Variants in MEGF11 observed in about 807,000 individuals in gnomAD.
The protein encoded by MEGF11 is multiple EGF like domains 11.
MEGF11 carries 126 observed loss-of-function variants against 146.6 expected under a neutral mutation model. That is an observed-to-expected ratio of 0.86 (90% CI 0.74 to 1.00). MEGF11 has a LOEUF of 1.00. MEGF11 is among the 50% of genes least tolerant of loss of function. The pLI, the probability that MEGF11 is intolerant of heterozygous loss-of-function variation, is 0.00. For missense variants in MEGF11, 1,509 were observed against 1,521.2 expected (o/e 0.99, Z 0.13); for synonymous variants, 532 against 583.4 (o/e 0.91, Z 1.27).
chr15:66,031,403 T>A lies in MEGF11; in HGVS notation c.395-48915A>T, dbSNP rs182559109. Among the ~76,000 whole-genome samples, 234 of 152,272 alleles carry A rather than the reference T, an allele frequency of 1.5e-3. 3 individuals are homozygous for A. The highest frequency in any genetic ancestry group is 4.6e-4 in the Non-Finnish European group (31 of 68,006). On this transcript the variant is annotated intron_variant, in intron 5 of 25. Transcript: ENST00000395614. ...GGCCTGGGTGAAGGGTTAGCAAAGTTGAGGTCTTCCTGGCAAATGTCACTT... is the reference window on the plus strand; with the variant it reads ...GGCCTGGGTGAAGGGTTAGCAAAGTAGAGGTCTTCCTGGCAAATGTCACTT...
intron 5 of MEGF11, among the ~76,000 whole-genome samples, chr15:66,017,500 T>C (rs2082929569): frequency 6.6e-6 from 1 of 152,200 alleles, no homozygotes; most frequent in East Asian, 1.9e-4. Context: ...CTAGCCACCA[T>C]GTTCCCTCCC....
intron 5 of MEGF11, among the ~76,000 whole-genome samples, chr15:66,058,979 A>T (rs1240267493): frequency 6.6e-6 from 1 of 152,098 alleles, no homozygotes; most frequent in Non-Finnish European, 1.5e-5. Context: ...AGGACTCCCA[A>T]CCACTCGGCA....
chr15:66,061,237 C>T (rs2084894158), intron 5 of MEGF11, among the ~76,000 whole-genome samples: 1 of 152,222 alleles, frequency 6.6e-6, no homozygotes, highest in Non-Finnish European at 1.5e-5. Flanking sequence ...GAGAGTGGAG[C>T]TGCCCCACCC....
intron 9 of MEGF11, among the ~76,000 whole-genome samples, chr15:65,964,300 G>A (rs1157937603): frequency 6.6e-6 from 1 of 152,202 alleles, no homozygotes; most frequent in Non-Finnish European, 1.5e-5. Context: ...GAGTGCTGGG[G>A]GAGGGGCTGG....
At chr15:66,235,634 C>G (rs1483663449) in intron 1 of MEGF11, among the ~76,000 whole-genome samples, 1 of 152,132 alleles carries the variant, frequency 6.6e-6, no homozygotes, top group African/African-American at 2.4e-5. Context: ...TGAGCAACAG[C>G]ACTACACCCC....
intron 1 of MEGF11, among the ~76,000 whole-genome samples, chr15:66,181,298 C>T (rs2090539469): frequency 6.6e-6 from 1 of 152,166 alleles, no homozygotes; most frequent in Admixed American, 6.5e-5. Flanking sequence ...AGTGCAGTGG[C>T]ACAATCACGG....
At chr15:66,028,991 T>C (rs1303307328) in intron 5 of MEGF11, among the ~76,000 whole-genome samples, 2 of 152,180 alleles carry the variant, frequency 1.3e-5, no homozygotes, top group East Asian at 1.9e-4. Context: ...GTTTGTCAAA[T>C]GACTACAAGG....
chr15:66,155,729 C>A (rs2089731636), intron 1 of MEGF11, among the ~76,000 whole-genome samples: 1 of 152,212 alleles, frequency 6.6e-6, no homozygotes, highest in Non-Finnish European at 1.5e-5. Flanking sequence ...TGATTTTTCT[C>A]TTTATCTCAC....
At position 65,982,154 on chromosome 15, in the gene MEGF11, CTCCACCTCCTCTACCCT is replaced by C; in HGVS notation, c.641+71_641+87del. Reference sequence around the variant, plus strand: ...GCCACTCCAGGCCCCGCCCCAGCCCCTCCACCTCCTCTACCCTCCCCACCCAGGCACCCTCCAGGTCC... The same window carrying C: ...GCCACTCCAGGCCCCGCCCCAGCCCCCCCCACCCAGGCACCCTCCAGGTCC... On this transcript the variant is annotated intron_variant, in intron 6 of 25. Transcript: ENST00000395614. The surrounding 1 kb of genome is among the most constrained non-coding windows in gnomAD (Gnocchi z 5.6). The C allele has an allele frequency of 6.8e-6, 9 of 1,330,290 alleles. No individual in the cohort carries two copies. Among genetic ancestry groups the C allele is most frequent in the Admixed American group, 5.1e-5 (2 of 39,330 alleles). 82.4% of individuals were successfully genotyped at this position (1,330,290 alleles called of 1,614,324 possible).
At chr15:65,979,850 G>A (rs2141671796) in intron 7 of MEGF11, among the ~76,000 whole-genome samples, 1 of 152,294 alleles carries the variant, frequency 6.6e-6, no homozygotes, top group African/African-American at 2.4e-5. Context: ...CTTGGGGGAA[G>A]GGGAGTAATT....
Position 65,898,930 on chromosome 15 carries a change from G to T in MEGF11, c.3060C>A (p.Tyr1020Ter). The T allele has an allele frequency of 6.2e-7, 1 of 1,613,836 alleles. No individual in the cohort carries two copies. Residue 1020 changes from tyrosine (Y) to a stop codon, truncating the protein, a stop_gained, in exon 25 of 26, where the codon TAC (tyrosine) becomes TAA (stop). Coordinates refer to ENST00000395614, the MANE Select transcript of MEGF11 (RefSeq NM_001385028.1). LOFTEE classifies it high-confidence loss of function. ...TYIMDKGFKD[Y>*]MKESVCSSST... ...TAGAACTGCACACGGATTCTTTCAT[G>T]TAATCTGCAAGGCAAGAGACATTTC...
chr15:65,912,284 G>A, intron 20 of MEGF11, 84 bp from the exon 21 acceptor site: 4 of 836,650 alleles, frequency 4.8e-6, no homozygotes, highest in Non-Finnish European at 6.4e-6. Context: ...TGCGCTGGGA[G>A]CCTTGAGAGA....
At chr15:66,036,445 G>A (rs1483952574) in intron 5 of MEGF11, among the ~76,000 whole-genome samples, 2 of 152,172 alleles carry the variant, frequency 1.3e-5, no homozygotes, top group East Asian at 3.8e-4. Context: ...CATTTTCACG[G>A]CCACACAGCA....
At chr15:66,094,374 C>G in intron 5 of MEGF11, 28 bp downstream of exon 5, 1 of 1,535,088 alleles carries the variant, frequency 6.5e-7, no homozygotes, top group Non-Finnish European at 8.8e-7. Flanking sequence ...AGCCAGGGTG[C>G]CTCCTGACCC....
At chr15:66,214,170 G>A (rs1164028285) in intron 1 of MEGF11, among the ~76,000 whole-genome samples, 1 of 151,662 alleles carries the variant, frequency 6.6e-6, no homozygotes, top group East Asian at 1.9e-4. Context: ...CGAGTAGCTG[G>A]GATTACAGGT....
chr15:66,044,620 T>G (rs565004992), intron 5 of MEGF11, among the ~76,000 whole-genome samples: 1 of 151,878 alleles, frequency 6.6e-6, no homozygotes, highest in Non-Finnish European at 1.5e-5. Flanking sequence ...GACTGAGAAT[T>G]GCTTGAGTCC....
intron 1 of MEGF11, among the ~76,000 whole-genome samples, chr15:66,137,722 T>C (rs1386935824): frequency 6.6e-6 from 1 of 151,986 alleles, no homozygotes; most frequent in East Asian, 1.9e-4. Context: ...CCTGGCTTTT[T>C]TTTTTCTCTT....
chr15:66,166,739 C>T (rs1013102076), intron 1 of MEGF11, among the ~76,000 whole-genome samples: 3 of 151,852 alleles, frequency 2.0e-5, no homozygotes, highest in Non-Finnish European at 2.9e-5. Flanking sequence ...TGGCTGGCTC[C>T]GCCTTGTCAT....
At chr15:66,233,196 T>A (rs1483531513) in intron 1 of MEGF11, among the ~76,000 whole-genome samples, 1 of 152,202 alleles carries the variant, frequency 6.6e-6, no homozygotes, top group African/African-American at 2.4e-5. Context: ...AGCATACATG[T>A]CACATTTCAT....
Sources: gnomAD v4.1 joint callset for allele counts (sites outside exome capture counted in the v4.1 genomes callset) on GRCh38, gnomAD v4.1.1 for gene constraint, Gnocchi (gnomAD v3.1) non-coding constraint, MANE v1.5 for transcripts, NCBI Gene and HGNC (gene_info 2026-07-23, HGNC 2026-07-21) for gene names.